Variants in CCNF observed in about 807,000 individuals in gnomAD.
CCNF encodes the protein cyclin F, also known as cyclin-F.
In CCNF, 30 loss-of-function variants were observed where a neutral mutation model predicts 85.4. The ratio of observed to expected loss-of-function variants is 0.35; its 90% confidence interval spans 0.26 to 0.48. CCNF has a LOEUF of 0.48. CCNF is among the 20% of genes least tolerant of loss of function. The pLI, the probability that CCNF is intolerant of heterozygous loss-of-function variation, is 0.99. For missense variants in CCNF, 919 were observed against 1,010.4 expected (o/e 0.91, Z 1.23); for synonymous variants, 439 against 425.1 (o/e 1.03, Z -0.40).
Position 2,456,571 on chromosome 16 carries a change from G to A in CCNF, c.1912G>A (p.Val638Ile), listed in dbSNP as rs761107954. 6.4e-7 allele frequency: 1 copy of A among 1,552,004 alleles called. No individual in the cohort carries two copies. The highest frequency in any genetic ancestry group is 1.2e-5 in the South Asian group (1 of 82,302). Reference sequence around the variant, plus strand: ...GACAGCTCCCAGCGGCATCCTCGATGTCACCGTGGTCTACCTGAACCCAGA... The same window carrying A: ...GACAGCTCCCAGCGGCATCCTCGATATCACCGTGGTCTACCTGAACCCAGA... The part of the protein sequence containing the change: ...DVTAPSGILD[V>I]TVVYLNPEQH... Residue 638 changes from valine (V) to isoleucine (I), a missense_variant, in exon 17 of 17, where the codon GTC becomes ATC. Val to Ile is a conservative substitution (Grantham distance 29). This residue lies in a region of CCNF where 505 missense variants were observed against 514.8 expected (regional missense o/e 0.98). Coordinates refer to ENST00000397066, the MANE Select transcript of CCNF (RefSeq NM_001761.3). This position sits in a 1 kb window ranked among gnomAD's most constrained non-coding sequence, Gnocchi z 4.5.
rs566508235 is a variant in CCNF, at chr16:2,453,571, A to T, written c.1715+34A>T. On this transcript the variant is annotated intron_variant, in intron 15 of 16. Coordinates refer to ENST00000397066, the MANE Select transcript of CCNF (RefSeq NM_001761.3). The surrounding 1 kb of genome is among the most constrained non-coding windows in gnomAD (Gnocchi z 5.6). ...CCCTGCGTTCTGGCTGCGCCATACA[A>T]TGCTGGCATCCTCGTGCCGGCCCAG... 2.1e-5 allele frequency: 34 copies of T among 1,612,488 alleles called. No homozygotes were observed. The highest frequency in any genetic ancestry group is 2.7e-5 in the Non-Finnish European group (32 of 1,179,308).
At chr16:2,444,442 G>T (rs974156794) in intron 9 of CCNF, among the ~76,000 whole-genome samples, 28 of 150,774 alleles carry the variant, frequency 1.9e-4, no homozygotes, top group African/African-American at 6.8e-4. Flanking sequence ...TGGGACTACA[G>T]GTGCCTGCCA....
At chr16:2,445,648 G>A in intron 10 of CCNF, 26 bp downstream of exon 10, 1 of 1,603,874 alleles carries the variant, frequency 6.2e-7, no homozygotes, top group South Asian at 1.1e-5. Flanking sequence ...GGCCCAGCTG[G>A]CAGGGACGTG....
At chr16:2,455,317 T>TA in intron 15 of CCNF, 78 bp from the exon 16 acceptor site, 7 of 1,465,986 alleles carry the variant, frequency 4.8e-6, no homozygotes, top group Non-Finnish European at 6.3e-6. Context: ...ACGCGGGTGT[T>TA]AGAGGCAGGT....
At chr16:2,445,724 G>GTTTTT in intron 10 of CCNF, 102 bp downstream of exon 10, 8 of 782,888 alleles carry the variant, frequency 1.0e-5, no homozygotes, top group Non-Finnish European at 1.4e-5. Context: ...GTTTTGTTTT[G>GTTTTT]TGTTGTTTTT....
intron 15 of CCNF, 23 bp from the exon 16 acceptor site, chr16:2,455,372 C>T (rs1326261004): frequency 6.4e-7 from 1 of 1,563,776 alleles, no homozygotes; most frequent in East Asian, 2.3e-5. Context: ...GACTGGGTCT[C>T]CTGGGCTCTC....
At chr16:2,455,138 G>A (rs545287321) in intron 15 of CCNF, among the ~76,000 whole-genome samples, 59 of 149,056 alleles carry the variant, frequency 4.0e-4, no homozygotes, top group South Asian at 1.3e-3. Flanking sequence ...GTTGGCCCAC[G>A]CCCCACAGCT....
Position 2,449,266 on chromosome 16 carries a change from C to A in CCNF, c.1219-16C>A, listed in dbSNP as rs764827616. 2.5e-6 allele frequency: 4 copies of A among 1,613,144 alleles called. No individual in the cohort carries two copies. The highest frequency in any genetic ancestry group is 2.5e-6 in the Non-Finnish European group (3 of 1,179,392). On this transcript the variant is annotated splice_polypyrimidine_tract_variant and intron_variant, in intron 11 of 16. Coordinates refer to ENST00000397066, the MANE Select transcript of CCNF (RefSeq NM_001761.3). ...CCCCGAGCGCTGAGAGCCCACACCC[C>A]GTCCCGGCTGTCTAGGTCCCCACTG...
In CCNF at chr16:2,457,326, T is replaced by C; in HGVS notation, c.*306T>C. Reference sequence around the variant, plus strand: ...CACTGTCTCTGGAAGCTTCAGCCCATGTGTGTCCTGGTGTTCCCAGCCCCA... The same window carrying C: ...CACTGTCTCTGGAAGCTTCAGCCCACGTGTGTCCTGGTGTTCCCAGCCCCA... On this transcript the variant is annotated 3_prime_UTR_variant, in exon 17 of 17. Coordinates refer to ENST00000397066, the MANE Select transcript of CCNF (RefSeq NM_001761.3). The C allele has an allele frequency of 3.9e-6, 1 of 256,152 alleles. No individual in the cohort carries two copies. The highest frequency in any genetic ancestry group is 4.9e-5 in the Admixed American group (1 of 20,226). 15.9% of individuals were successfully genotyped at this position (256,152 alleles called of 1,614,324 possible).
At chr16:2,440,876 CCCAGGAGTTCAAGA>C (rs2065317484) in intron 8 of CCNF, among the ~76,000 whole-genome samples, 1 of 152,116 alleles carries the variant, frequency 6.6e-6, no homozygotes, top group Non-Finnish European at 1.5e-5. Flanking sequence ...ATCGCTTGAG[CCCAGGAGTTCAAGA>C]CCAGCTCTGG....
At position 2,451,137 on chromosome 16, in the gene CCNF, A is replaced by C. The variant is rs1164183425; in HGVS notation, c.1487+1222A>C. Among the ~76,000 whole-genome samples the C allele has an allele frequency of 6.6e-6, 1 of 152,228 alleles. No homozygotes were observed. Among genetic ancestry groups the C allele is most frequent in the Non-Finnish European group, 1.5e-5 (1 of 68,042 alleles). ...TTGGTTTGTTCCATGCAGTTCATGA[A>C]GTCCCTACCGTGGTCCAGGCGCTGG... On this transcript the variant is annotated intron_variant, in intron 13 of 16. Coordinates refer to ENST00000397066, the MANE Select transcript of CCNF (RefSeq NM_001761.3). The surrounding 1 kb of genome is among the most constrained non-coding windows in gnomAD (Gnocchi z 4.3).
In CCNF at chr16:2,455,452, G is replaced by A. The variant is rs118173479; in HGVS notation, c.1773G>A (p.Ala591=). The A allele has an allele frequency of 1.2e-3, 1,850 of 1,600,136 alleles. 5 individuals are homozygous for A. The highest frequency in any genetic ancestry group is 4.0e-3 in the Middle Eastern group (24 of 6,022). The change falls in exon 16 of 17, where the codon GCG becomes GCA. Residue 591 remains alanine (A), a synonymous_variant. Transcript: ENST00000397066. The part of the protein sequence containing the change: ...DRGSFVTTPT[A]ELSSQEETLL... ...GCAGCTTCGTTACCACCCCCACTGC[G>A]GAGCTGTCCAGCCAGGAGGAGACGC...
chr16:2,445,726 G>GTTTTTTTTTTTTTTTTTTTTTTTT lies in CCNF; in HGVS notation c.1094+106_1094+107insTTTTTTTTTTTTTTTTTTTTTTTT, dbSNP rs141290345. On this transcript the variant is annotated intron_variant, in intron 10 of 16. Coordinates refer to ENST00000397066, the MANE Select transcript of CCNF (RefSeq NM_001761.3). ...CCTCACTGGTTTGGTTTTGTTTTGTGTTGTTTTTTTTTTTTTCCCGAGACC... is the reference window on the plus strand; with the variant it reads ...CCTCACTGGTTTGGTTTTGTTTTGTGTTTTTTTTTTTTTTTTTTTTTTTTTTGTTTTTTTTTTTTTCCCGAGACC... 2 of 771,490 alleles carry GTTTTTTTTTTTTTTTTTTTTTTTT rather than the reference G, an allele frequency of 2.6e-6. 1 individual carries two copies. 47.8% of individuals were successfully genotyped at this position (771,490 alleles called of 1,614,324 possible). A position where few individuals can be genotyped will look rare whatever the true frequency, so the allele number is the denominator to read the frequency against.
chr16:2,435,916 GTGAGCC>G, intron 4 of CCNF, 43 bp downstream of exon 4: 1 of 1,439,716 alleles, frequency 6.9e-7, no homozygotes, highest in Non-Finnish European at 9.8e-7. Context: ...TCAGATAAGT[GTGAGCC>G]TTTGGCCCTA....
At chr16:2,454,557 C>G (rs1018867775) in intron 15 of CCNF, among the ~76,000 whole-genome samples, 8 of 152,250 alleles carry the variant, frequency 5.3e-5, no homozygotes, top group African/African-American at 1.4e-4. Context: ...TCTCCACCCC[C>G]CGCCCTCCAC....
rs1005247693 is a variant in CCNF at position 2,453,495 on chromosome 16, T to C, written c.1673T>C (p.Ile558Thr). 2 of 1,614,046 alleles carry C rather than the reference T, an allele frequency of 1.2e-6. No individual in the cohort carries two copies. The highest frequency in any genetic ancestry group is 1.7e-6 in the Non-Finnish European group (2 of 1,179,990). Residue 558 changes from isoleucine (I) to threonine (T), a missense_variant, in exon 15 of 17, where the codon ATC becomes ACC. Ile to Thr is a moderately conservative substitution (Grantham distance 89, BLOSUM62 -1). Coordinates refer to ENST00000397066, the MANE Select transcript of CCNF (RefSeq NM_001761.3). This position sits in a 1 kb window ranked among gnomAD's most constrained non-coding sequence, Gnocchi z 5.6. ...DPPTFLSTGE[I>T]HAFLSSPSGR... Reference sequence around the variant, plus strand: ...CCGACTTTCCTCAGCACAGGGGAGATCCACGCCTTCCTCAGCTCTCCCTCG... The same window carrying C: ...CCGACTTTCCTCAGCACAGGGGAGACCCACGCCTTCCTCAGCTCTCCCTCG...
chr16:2,455,100 A>G (rs975450630), intron 15 of CCNF, among the ~76,000 whole-genome samples: 1 of 149,628 alleles, frequency 6.7e-6, no homozygotes, highest in Non-Finnish European at 1.5e-5. Context: ...AGGTGGCATC[A>G]TCCTAGAGGT....
chr16:2,438,086 T>C lies in CCNF; in HGVS notation c.557T>C (p.Ile186Thr), dbSNP rs768832394. The change falls in exon 6 of 17, where the codon ATA (isoleucine) becomes ACA (threonine). Residue 186 changes from isoleucine (I) to threonine (T), a missense_variant. Physicochemically the swap from Ile to Thr is moderately conservative, Grantham distance 89. Coordinates refer to ENST00000397066, the MANE Select transcript of CCNF (RefSeq NM_001761.3). ...CQLQRTHKASILHCLGRVLSL... is the reference protein window; with the variant it reads ...CQLQRTHKASTLHCLGRVLSL... ...TTTTTAAAGACTCACAAAGCATCCA[T>C]ATTGCACTGCTTGGGCAGAGTGCTG... The C allele has an allele frequency of 2.5e-6, 4 of 1,611,384 alleles. No homozygotes were observed. In the African/African-American group the frequency reaches 4.0e-5, roughly 16 times the overall value.
intron 3 of CCNF, among the ~76,000 whole-genome samples, chr16:2,433,286 G>T (rs1186852911): frequency 2.0e-5 from 3 of 152,096 alleles, no homozygotes; most frequent in African/African-American, 7.2e-5. Context: ...CATCCCTCAC[G>T]CCACTGACAC....
Sources: allele counts gnomAD v4.1 joint callset (sites outside exome capture counted in the v4.1 genomes callset), GRCh38; gene constraint gnomAD v4.1.1; regional missense constraint gnomAD v4.1.1; non-coding constraint Gnocchi (gnomAD v3.1); transcripts MANE v1.5; gene names NCBI Gene and HGNC (gene_info 2026-07-23, HGNC 2026-07-21).